Variants in DNAH11 observed in about 807,000 individuals in gnomAD.
The protein encoded by DNAH11 is axonemal beta dynein heavy chain 11.
A neutral mutation model predicts 526.0 loss-of-function variants in DNAH11; 442 were observed. The ratio of observed to expected loss-of-function variants is 0.84; its 90% CI spans 0.78 to 0.91. The LOEUF (loss-of-function observed/expected upper bound fraction) is 0.91. Ranked by LOEUF, DNAH11 falls within the 40% of genes least tolerant of loss-of-function variation. The pLI, the probability that DNAH11 is intolerant of heterozygous loss-of-function variation, is 0.00. For synonymous variants in DNAH11, 2,461 were observed against 1,935.9 expected (o/e 1.27, Z -7.12); for missense variants, 6,989 against 5,448.7 (o/e 1.28, Z -8.90).
rs1041992289 is a variant in DNAH11 at position 21,601,630 on chromosome 7, G to C, written c.3648+12G>C. 1.3e-6 allele frequency: 2 copies of C among 1,524,652 alleles called. No individual in the cohort carries two copies. The highest frequency in any genetic ancestry group is 1.4e-5 in the African/African-American group (1 of 71,972). 94.4% of individuals were successfully genotyped at this position (1,524,652 alleles called of 1,614,324 possible). A position where few individuals can be genotyped will look rare whatever the true frequency, so the allele number is the denominator to read the frequency against. ...ATATTCAGCTAGAGGTAAGTGCAGA[G>C]GTGAAATAATCATAATTACCATAAA... On this transcript the variant is annotated intron_variant, in intron 18 of 81. Transcript: ENST00000409508.
chr7:21,724,160 G>T (rs950974902), intron 44 of DNAH11, among the ~76,000 whole-genome samples: 21 of 152,346 alleles, frequency 1.4e-4, no homozygotes, highest in East Asian at 1.2e-3. Flanking sequence ...TCAAGTAAAA[G>T]TTAAATGTAG....
intron 40 of DNAH11, among the ~76,000 whole-genome samples, chr7:21,708,321 C>T (rs1024196051): frequency 6.6e-6 from 1 of 152,218 alleles, no homozygotes; most frequent in Admixed American, 6.5e-5. Flanking sequence ...AGGCCTCTCT[C>T]CCTCTTATAC....
Position 21,801,152 on chromosome 7 carries a change from C to A in DNAH11, c.10042C>A (p.Leu3348Met). The A allele has an allele frequency of 6.2e-7, 1 of 1,609,730 alleles. No homozygotes were observed. The highest frequency in any genetic ancestry group is 8.5e-7 in the Non-Finnish European group (1 of 1,177,726). Residue 3348 changes from leucine (L) to methionine (M), a missense_variant, in exon 62 of 82, where the codon CTG (leucine) becomes ATG (methionine). Coordinates refer to ENST00000409508, the MANE Select transcript of DNAH11 (RefSeq NM_001277115.2). ...RKKLVDLDRNLSRLTASFEKA... is the reference protein window; with the variant it reads ...RKKLVDLDRNMSRLTASFEKA... ...TCTGATTCAGGATCTGGATCGAAAT[C>A]TGAGCAGACTCACGGCTTCATTTGA...
At chr7:21,666,943 G>T (rs576298154) in intron 30 of DNAH11, among the ~76,000 whole-genome samples, 29 of 152,142 alleles carry the variant, frequency 1.9e-4, no homozygotes, top group African/African-American at 7.0e-4. Context: ...AGGAACAGAT[G>T]ATTTGAGGAA....
At chr7:21,763,120 G>A (rs901647172) in intron 54 of DNAH11, among the ~76,000 whole-genome samples, 17 of 152,024 alleles carry the variant, frequency 1.1e-4, no homozygotes, top group Non-Finnish European at 7.4e-5. Flanking sequence ...GAGGCAGGTG[G>A]ATCACGAGGT....
chr7:21,901,357 C>G lies in DNAH11; in HGVS notation c.*103C>G, dbSNP rs900239318. ...ACATTATTCTAACTTTTTAGTAACT[C>G]ACACGTGCATTCTTTTTTCAACGCT... On this transcript the variant is annotated 3_prime_UTR_variant, in exon 82 of 82. Coordinates refer to ENST00000409508, the MANE Select transcript of DNAH11 (RefSeq NM_001277115.2). The G allele has an allele frequency of 4.3e-6, 6 of 1,387,574 alleles. No homozygotes were observed. The African/African-American group carries it at 4.3e-5, about 10-fold the overall frequency. The allele number at this position is 1,387,574 out of a possible 1,614,324, so 86.0% of individuals were successfully genotyped here. A position where few individuals can be genotyped will look rare whatever the true frequency, so the allele number is the denominator to read the frequency against.
chr7:21,855,074 C>G (rs1001159365), intron 68 of DNAH11, among the ~76,000 whole-genome samples: 8 of 148,854 alleles, frequency 5.4e-5, no homozygotes, highest in African/African-American at 2.5e-5. Flanking sequence ...CTCTGTCGCC[C>G]ACGCTGGAGT....
chr7:21,881,034 G>T (rs1439984129), intron 75 of DNAH11, 141 bp downstream of exon 75: 7 of 802,630 alleles, frequency 8.7e-6, no homozygotes, highest in Non-Finnish European at 1.3e-5. Flanking sequence ...TCTGCCAAGT[G>T]TGAAAATAAA....
At position 21,680,704 on chromosome 7, in the gene DNAH11, A is replaced by G. The variant is rs555651064; in HGVS notation, c.5329-842A>G. 2.0e-5 allele frequency among the ~76,000 whole-genome samples: 3 copies of G among 152,308 alleles called. No individual in the cohort carries two copies. In the East Asian group the frequency reaches 5.8e-4, roughly 29 times the overall value. On this transcript the variant is annotated intron_variant, in intron 30 of 81. Transcript: ENST00000409508. ...AAAAAAGACCAGCAGTTTGAAAAAT[A>G]TTTATCTACGAGTTCGACGGACCTA...
intron 61 of DNAH11, among the ~76,000 whole-genome samples, chr7:21,796,882 TGTTA>T (rs1782243800): frequency 6.6e-6 from 1 of 152,204 alleles, no homozygotes. Flanking sequence ...GATCAATAAC[TGTTA>T]GTTGTTATTT....
At chr7:21,735,886 A>G (rs1785588051) in intron 46 of DNAH11, 42 bp downstream of exon 46, 3 of 1,542,784 alleles carry the variant, frequency 1.9e-6, no homozygotes, top group African/African-American at 2.7e-5. Context: ...GGGATCAAAA[A>G]TCATCAAGGC....
At position 21,543,193 on chromosome 7, in the gene DNAH11, A is replaced by G. The variant is rs1782650495; in HGVS notation, c.-53A>G. ...TGTCCTCGCTCACTTCGGGGGGCCCAGAGTCTCGGGTGAGGAGCCAGCCGG... is the reference window on the plus strand; with the variant it reads ...TGTCCTCGCTCACTTCGGGGGGCCCGGAGTCTCGGGTGAGGAGCCAGCCGG... On this transcript the variant is annotated 5_prime_UTR_variant, in exon 1 of 82. Coordinates refer to ENST00000409508, the MANE Select transcript of DNAH11 (RefSeq NM_001277115.2). 1.4e-6 allele frequency: 2 copies of G among 1,461,040 alleles called. No homozygotes were observed. Among genetic ancestry groups the G allele is most frequent in the Non-Finnish European group, 9.0e-7 (1 of 1,112,668 alleles). The allele number at this position is 1,461,040 out of a possible 1,614,324, so 90.5% of individuals were successfully genotyped here.
At chr7:21,789,852 C>CTTTCTT (rs1562547367) in intron 61 of DNAH11, among the ~76,000 whole-genome samples, 2 of 92,936 alleles carry the variant, frequency 2.2e-5, no homozygotes, top group African/African-American at 7.3e-5. Flanking sequence ...TTCTTTCTTT[C>CTTTCTT]TCTCTCCTTC....
At chr7:21,671,962 G>A (rs550349557) in intron 30 of DNAH11, among the ~76,000 whole-genome samples, 1 of 152,326 alleles carries the variant, frequency 6.6e-6, no homozygotes, top group South Asian at 2.1e-4. Flanking sequence ...TAAAGGAGAA[G>A]TAGGAAGTGA....
chr7:21,568,637 G>C (rs1190766347), intron 6 of DNAH11, among the ~76,000 whole-genome samples: 1 of 152,160 alleles, frequency 6.6e-6, no homozygotes, highest in East Asian at 1.9e-4. Flanking sequence ...GAGGTTCTTT[G>C]TCTATGATTG....
chr7:21,761,965 G>T (rs1422758531), intron 54 of DNAH11, among the ~76,000 whole-genome samples: 1 of 152,160 alleles, frequency 6.6e-6, no homozygotes, highest in Non-Finnish European at 1.5e-5. Flanking sequence ...AGAGGCCTCA[G>T]GAAACTTATA....
At chr7:21,844,926 C>T (rs1782356836) in intron 66 of DNAH11, among the ~76,000 whole-genome samples, 1 of 152,222 alleles carries the variant, frequency 6.6e-6, no homozygotes, top group Admixed American at 6.5e-5. Flanking sequence ...TTCAGTGGAA[C>T]TGCAACATGC....
intron 65 of DNAH11, among the ~76,000 whole-genome samples, chr7:21,839,957 G>A (rs1240667160): frequency 6.6e-6 from 1 of 152,166 alleles, no homozygotes; most frequent in African/African-American, 2.4e-5. Flanking sequence ...AGTAATGTAA[G>A]AAAATTTTAA....
chr7:21,881,401 T>G (rs925410475), intron 75 of DNAH11, among the ~76,000 whole-genome samples: 11 of 152,262 alleles, frequency 7.2e-5, no homozygotes, highest in African/African-American at 2.7e-4. Flanking sequence ...TTCTCAGTAA[T>G]GTTCCCCTTG....
Sources: allele counts gnomAD v4.1 joint callset (sites outside exome capture counted in the v4.1 genomes callset), GRCh38; gene constraint gnomAD v4.1.1; transcripts MANE v1.5; gene names NCBI Gene and HGNC (gene_info 2026-07-23, HGNC 2026-07-21).